Variants in DCLK1 observed in about 807,000 individuals in gnomAD.
DCLK1 encodes serine/threonine-protein kinase DCLK1.
Under a neutral mutation model 86.2 loss-of-function variants are expected in DCLK1, and 16 were observed. The observed-to-expected ratio is 0.19, with a 90% CI of 0.13 to 0.28. The LOEUF (loss-of-function observed/expected upper bound fraction) is 0.28. Ranked by LOEUF, DCLK1 falls within the 10% of genes least tolerant of loss-of-function variation. The probability of loss-of-function intolerance (pLI) is 1.00; values close to 1 mark genes in which losing one functional copy is unlikely to be tolerated. For synonymous variants in DCLK1, 369 were observed against 370.5 expected, an observed-to-expected ratio of 1.00 and a Z score of 0.05; for missense variants, 590 against 940.2, an observed-to-expected ratio of 0.63 and a Z score of 4.87.
chr13:36,094,863 C>T (rs1884950370), intron 3 of DCLK1, among the ~76,000 whole-genome samples: 1 of 152,084 alleles, frequency 6.6e-6, no homozygotes, highest in African/African-American at 2.4e-5. Flanking sequence ...TTACTGAAGG[C>T]TCAAGTGATG....
At chr13:36,013,124 T>C (rs797018727) in intron 3 of DCLK1, among the ~76,000 whole-genome samples, 2,958 of 121,092 alleles carry the variant, frequency 0.024, 26 homozygotes, top group South Asian at 0.045. Context: ...TAGTTATACA[T>C]TCTTCTAAAT....
intron 4 of DCLK1, among the ~76,000 whole-genome samples, chr13:35,936,338 A>T (rs976572402): frequency 2.6e-5 from 4 of 152,208 alleles, no homozygotes; most frequent in Non-Finnish European, 5.9e-5. Context: ...TTTCACCCAG[A>T]CTCCAAGGAG....
At chr13:36,049,102 C>A (rs965619985) in intron 3 of DCLK1, among the ~76,000 whole-genome samples, 10 of 152,104 alleles carry the variant, frequency 6.6e-5, no homozygotes, top group African/African-American at 2.4e-4. Context: ...CTTCACATCA[C>A]TTTCCAAAGA....
chr13:35,897,766 G>A (rs1253305989), intron 4 of DCLK1, among the ~76,000 whole-genome samples: 1 of 152,138 alleles, frequency 6.6e-6, no homozygotes, highest in Non-Finnish European at 1.5e-5. Context: ...AAAAGCAACT[G>A]AAAACAACAG....
At chr13:36,037,565 C>T (rs1213823181) in intron 3 of DCLK1, among the ~76,000 whole-genome samples, 1 of 152,020 alleles carries the variant, frequency 6.6e-6, no homozygotes, top group Non-Finnish European at 1.5e-5. Context: ...CTCACTGCAA[C>T]CTCTGCCTCC....
intron 3 of DCLK1, among the ~76,000 whole-genome samples, chr13:36,007,245 T>C (rs929235312): frequency 2.0e-5 from 3 of 152,244 alleles, no homozygotes; most frequent in African/African-American, 7.2e-5. Flanking sequence ...ATCATGAAAA[T>C]CAAATCCATG....
chr13:36,027,297 G>A (rs1368083748), intron 3 of DCLK1, among the ~76,000 whole-genome samples: 1 of 152,180 alleles, frequency 6.6e-6, no homozygotes, highest in East Asian at 1.9e-4. Context: ...TTTCACAATA[G>A]GGTTCACACT....
At chr13:36,092,573 G>T (rs1329979958) in intron 3 of DCLK1, among the ~76,000 whole-genome samples, 3 of 128,728 alleles carry the variant, frequency 2.3e-5, no homozygotes, top group Admixed American at 1.8e-4. Flanking sequence ...TGCAAGCTCC[G>T]CCTCCCGGGT....
chr13:35,950,957 T>C (rs953779842), intron 3 of DCLK1, among the ~76,000 whole-genome samples: 3 of 151,908 alleles, frequency 2.0e-5, no homozygotes, highest in Non-Finnish European at 4.4e-5. Context: ...CTCCTGCTTG[T>C]GGACCCTGGC....
intron 3 of DCLK1, among the ~76,000 whole-genome samples, chr13:36,032,875 G>T (rs1237582501): frequency 6.6e-6 from 1 of 152,184 alleles, no homozygotes; most frequent in Non-Finnish European, 1.5e-5. Context: ...CCTTGCATGG[G>T]AAAGAATCAT....
At chr13:36,107,492 GT>G (rs970937625) in intron 3 of DCLK1, among the ~76,000 whole-genome samples, 27 of 151,828 alleles carry the variant, frequency 1.8e-4, no homozygotes, top group Non-Finnish European at 3.2e-4. Flanking sequence ...ACATCTCTGG[GT>G]TTTTTTCTCT....
intron 3 of DCLK1, among the ~76,000 whole-genome samples, chr13:36,069,525 C>G (rs1883889010): frequency 6.6e-6 from 1 of 152,160 alleles, no homozygotes; most frequent in African/African-American, 2.4e-5. Flanking sequence ...TTTCAGTCAC[C>G]AGGGTGGTGA....
intron 3 of DCLK1, among the ~76,000 whole-genome samples, chr13:36,072,636 A>G (rs1469867316): frequency 6.6e-6 from 1 of 152,204 alleles, no homozygotes; most frequent in Non-Finnish European, 1.5e-5. Flanking sequence ...TTCTACCCCC[A>G]GCCTCTAGAA....
chr13:35,933,994 A>T (rs1176042118), intron 4 of DCLK1, among the ~76,000 whole-genome samples: 3 of 152,124 alleles, frequency 2.0e-5, no homozygotes, highest in Non-Finnish European at 4.4e-5. Flanking sequence ...TCACCTCTTG[A>T]ATGCTTTGAT....
chr13:36,131,600 C>T (rs965929459), upstream of DCLK1, among the ~76,000 whole-genome samples: 1 of 152,146 alleles, frequency 6.6e-6, no homozygotes, highest in African/African-American at 2.4e-5. Context: ...ACCCCTAAAC[C>T]TCCCTAGTCC....
chr13:35,963,439 T>C lies in DCLK1; in HGVS notation c.724-15982A>G, dbSNP rs551675981. Among the ~76,000 whole-genome samples the C allele has an allele frequency of 2.0e-5, 3 of 152,314 alleles. No individual in the cohort carries two copies. The East Asian group carries it at 5.8e-4, about 29-fold the overall frequency. On this transcript the variant is annotated intron_variant, in intron 3 of 16. Coordinates refer to ENST00000360631, the MANE Select transcript of DCLK1 (RefSeq NM_001330071.2). ...CATAATAGGAAGCTTTGCTTGGCCA[T>C]ATTTTGTGAATGTGAAGACCGGGAT... is the stretch of plus-strand genomic sequence containing the variant.
At position 35,924,252 on chromosome 13, in the gene DCLK1, CT is replaced by C. The variant is rs879607351; in HGVS notation, c.823+23105del. On this transcript the variant is annotated intron_variant, in intron 4 of 16. Coordinates refer to ENST00000360631, the MANE Select transcript of DCLK1 (RefSeq NM_001330071.2). ...TGATGTGAGATAAGTGGGGGCAAAT[CT>C]TTTTTTTTTTTAAATGGCTGTCTCA... Among the ~76,000 whole-genome samples, 293 of 146,474 alleles carry C rather than the reference CT, an allele frequency of 2.0e-3. 1 individual carries two copies. Among genetic ancestry groups the C allele is most frequent in the Middle Eastern group, 3.6e-3 (1 of 280 alleles).
intron 10 of DCLK1, among the ~76,000 whole-genome samples, chr13:35,826,383 C>T (rs1005330838): frequency 3.3e-5 from 5 of 150,824 alleles, no homozygotes; most frequent in East Asian, 4.0e-4. Context: ...ATTAGCCGGG[C>T]GTGGTGGCAC....
rs543145392 is a variant in DCLK1, at chr13:35,827,965, A to T, written c.1288-211T>A. Among the ~76,000 whole-genome samples, 6 of 152,070 alleles carry T rather than the reference A, an allele frequency of 3.9e-5. No individual in the cohort carries two copies. In the South Asian group the frequency reaches 1.0e-3, roughly 26 times the overall value. On this transcript the variant is annotated intron_variant, in intron 9 of 16. Transcript: ENST00000360631. ...AATGCTTGCAAATTCAGAACCAATC[A>T]TGATAACTACAGTTTCATAGCAAAG...
Sources: allele counts gnomAD v4.1 joint callset (sites outside exome capture counted in the v4.1 genomes callset), GRCh38; gene constraint gnomAD v4.1.1; transcripts MANE v1.5; gene names NCBI Gene and HGNC (gene_info 2026-07-23, HGNC 2026-07-21).